The following MARK4 variants were observed in gnomAD, a reference collection of about 807,000 sequenced individuals.
The protein encoded by MARK4 is MAP/microtubule affinity-regulating kinase 4.
Under a neutral mutation model 81.5 loss-of-function variants are expected in MARK4, and 19 were observed. That is an observed-to-expected ratio of 0.23 (90% CI 0.16 to 0.34). The LOEUF is 0.34. Among genes scored for constraint, MARK4 ranks in the 10% least tolerant of loss-of-function variants. The pLI is 1.00. For missense variants in MARK4, 772 were observed against 1,058.8 expected (o/e 0.73, Z 3.76); for synonymous variants, 436 against 439.0 (o/e 0.99, Z 0.08).
chr19:45,281,779 G>A (rs536739686), intron 12 of MARK4, among the ~76,000 whole-genome samples: 27 of 152,286 alleles, frequency 1.8e-4, no homozygotes, highest in African/African-American at 6.3e-4. Flanking sequence ...AGGAGGACAC[G>A]TTGTACAAAG....
Position 45,277,822 on chromosome 19 carries a change from GTTGT to G in MARK4, c.787-100_787-97del, listed in dbSNP as rs768421638. ...TTCTATCAAAGGGGTTGGGACAAAG[GTTGT>G]GTGTGTGTGTGTGTGTGTGTGTGTG... On this transcript the variant is annotated intron_variant, in intron 8 of 16. Coordinates refer to ENST00000262891, the MANE Select transcript of MARK4 (RefSeq NM_001199867.2). The G allele has an allele frequency of 2.6e-5, 30 of 1,140,886 alleles. No homozygotes were observed. The Admixed American group carries it at 4.1e-4, about 16-fold the overall frequency. 70.7% of individuals were successfully genotyped at this position (1,140,886 alleles called of 1,614,324 possible).
chr19:45,256,441 A>C (rs1313751563), intron 1 of MARK4, among the ~76,000 whole-genome samples: 2 of 152,208 alleles, frequency 1.3e-5, no homozygotes, highest in Non-Finnish European at 2.9e-5. Context: ...CTGTGTCAAA[A>C]AGAAAAAAAA....
chr19:45,280,353 C>G lies in MARK4; in HGVS notation c.1007-21C>G, dbSNP rs369307860. 7.8e-5 allele frequency: 125 copies of G among 1,602,816 alleles called. No individual in the cohort carries two copies. In the African/African-American group the frequency reaches 1.3e-3, roughly 16 times the overall value. ...TAAAGTTTCTGGGAGTCTGAAACTT[C>G]TCTCCATCCCCCCCTCCCAGAGGTG... On this transcript the variant is annotated intron_variant, in intron 10 of 16. Transcript: ENST00000262891.
chr19:45,303,039 A>G lies in MARK4; in HGVS notation c.*329A>G, dbSNP rs1009214985. ...CTGAGGAAATCTTCCATTCCTCCCAACAGCTCAAAATTAGGCCTTGGGCAG... is the reference window on the plus strand; with the variant it reads ...CTGAGGAAATCTTCCATTCCTCCCAGCAGCTCAAAATTAGGCCTTGGGCAG... On this transcript the variant is annotated 3_prime_UTR_variant, in exon 17 of 17. Transcript: ENST00000262891. The G allele has an allele frequency of 5.7e-6, 2 of 349,022 alleles. No homozygotes were observed. The highest frequency in any genetic ancestry group is 1.1e-5 in the Non-Finnish European group (2 of 190,320). The allele number at this position is 349,022 out of a possible 1,614,324, so 21.6% of individuals were successfully genotyped here.
intron 12 of MARK4, among the ~76,000 whole-genome samples, chr19:45,283,104 A>ACAAT (rs1970697527): frequency 6.6e-6 from 1 of 152,068 alleles, no homozygotes; most frequent in African/African-American, 2.4e-5. Flanking sequence ...AAGAAAATTC[A>ACAAT]CAACTTTTAG....
chr19:45,265,732 G>T lies in MARK4; in HGVS notation c.493-493G>T, dbSNP rs1872261. ...GCATGAGGGGTAAGAAGATGTGCGT[G>T]TGTGAGGGTGCCAGGTGTGTGGGGT... is the stretch of plus-strand genomic sequence containing the variant. On this transcript the variant is annotated intron_variant, in intron 6 of 16. Transcript: ENST00000262891. Among the ~76,000 whole-genome samples the T allele has an allele frequency of 1.4e-3, 213 of 150,556 alleles. 2 individuals carry two copies. Among genetic ancestry groups the T allele is most frequent in the African/African-American group, 4.8e-3 (197 of 40,884 alleles).
chr19:45,300,343 T>G (rs1278964212), intron 16 of MARK4, among the ~76,000 whole-genome samples: 1 of 4,044 alleles, frequency 2.5e-4, no homozygotes, highest in South Asian at 0.015. Context: ...AAACTCCGTC[T>G]GAAAAAAAAA....
intron 12 of MARK4, among the ~76,000 whole-genome samples, chr19:45,281,367 C>CTTT (rs71173137): frequency 2.3e-5 from 3 of 132,054 alleles, no homozygotes; most frequent in East Asian, 2.2e-4. Context: ...TCTTTTCTTT[C>CTTT]TTTTTTTTTT....
At chr19:45,272,841 TTGTG>T (rs1970547555) in intron 8 of MARK4, among the ~76,000 whole-genome samples, 1 of 152,164 alleles carries the variant, frequency 6.6e-6, no homozygotes, top group South Asian at 2.1e-4. Context: ...TGAGTCAAGA[TTGTG>T]CCACTGCACT....
Position 45,304,673 on chromosome 19 carries a change from T to C in MARK4, c.*1963T>C, listed in dbSNP as rs10415720. 50,886 of 152,070 alleles carry C rather than the reference T, an allele frequency of 0.33. 9,008 individuals are homozygous for C. Among genetic ancestry groups the C allele is most frequent in the African/African-American group, 0.44 (18,357 of 41,416 alleles). The allele number at this position is 152,070 out of a possible 1,614,324, so 9.4% of individuals were successfully genotyped here. On this transcript the variant is annotated 3_prime_UTR_variant, in exon 17 of 17. Transcript: ENST00000262891. ...TGCCCTCATAGAGCTCACAGTCCAA[T>C]GGAGGAGGCAGATGTGTCCTCAGGC...
In MARK4 at chr19:45,297,950, C is replaced by G. The variant is rs770715812; in HGVS notation, c.1873C>G (p.Arg625Gly). Reference protein sequence around the residue: ...LFTKLTSKLTRRVADEPERIG... With the variant: ...LFTKLTSKLTGRVADEPERIG... Reference sequence around the variant, plus strand: ...CACCAAGCTGACCTCCAAACTGACCCGAAGGTGAGCTCCGCGGGGATGGCA... The same window carrying G: ...CACCAAGCTGACCTCCAAACTGACCGGAAGGTGAGCTCCGCGGGGATGGCA... Residue 625 changes from arginine (R) to glycine (G), a missense_variant, in exon 15 of 17, where the codon CGA becomes GGA. Arg to Gly is a moderately radical substitution (Grantham distance 125). Coordinates refer to ENST00000262891, the MANE Select transcript of MARK4 (RefSeq NM_001199867.2). The G allele has an allele frequency of 1.9e-6, 3 of 1,551,002 alleles. No individual in the cohort carries two copies. The highest frequency in any genetic ancestry group is 2.6e-6 in the Non-Finnish European group (3 of 1,146,822).
chr19:45,263,044 G>A, intron 2 of MARK4, 69 bp from the exon 3 acceptor site: 3 of 1,540,880 alleles, frequency 1.9e-6, no homozygotes, highest in African/African-American at 1.4e-5. Context: ...GGGATTACAG[G>A]CCTGAGCCAC....
chr19:45,298,107 C>G, intron 15 of MARK4, 153 bp downstream of exon 15: 6 of 1,606,950 alleles, frequency 3.7e-6, no homozygotes, highest in Non-Finnish European at 5.1e-6. Flanking sequence ...CTTTCCTCCT[C>G]CCCTGTCACC....
rs1970983816 is a variant in MARK4, at chr19:45,302,162, A to G, written c.1923-212A>G. Among the ~76,000 whole-genome samples the G allele has an allele frequency of 6.6e-6, 1 of 152,234 alleles. No individual in the cohort carries two copies. The highest frequency in any genetic ancestry group is 1.5e-5 in the Non-Finnish European group (1 of 68,042). The stretch of plus-strand genomic sequence containing the variant: ...GCTCATGTCCCAGAATTTACAGACA[A>G]GGTCACACCTGGTTGCAAGGGAGGC... On this transcript the variant is annotated intron_variant, in intron 16 of 16. Transcript: ENST00000262891. The surrounding 1 kb of genome is among the most constrained non-coding windows in gnomAD (Gnocchi z 4.9).
intron 2 of MARK4, among the ~76,000 whole-genome samples, chr19:45,260,376 C>G (rs994212182): frequency 7.3e-6 from 1 of 137,148 alleles, no homozygotes; most frequent in African/African-American, 2.7e-5. Flanking sequence ...GCAACAAGAC[C>G]GAGACTTTGT....
At position 45,255,202 on chromosome 19, in the gene MARK4, C is replaced by CA. The variant is rs764108800; in HGVS notation, c.51+3577dup. On this transcript the variant is annotated intron_variant, in intron 1 of 16. Transcript: ENST00000262891. ...TGGGTAACAGAGCAAGGCCCTGTCTCAAAAAAAAAAAAAAGGTTCAGGTGT... is the reference window on the plus strand; with the variant it reads ...TGGGTAACAGAGCAAGGCCCTGTCTCAAAAAAAAAAAAAAAGGTTCAGGTGT... Among the ~76,000 whole-genome samples the CA allele has an allele frequency of 8.8e-3, 1,125 of 127,574 alleles. 7 individuals are homozygous for CA. The highest frequency in any genetic ancestry group is 0.024 in the African/African-American group (845 of 34,554). 83.7% of individuals were successfully genotyped at this position (127,574 alleles called of 152,430 possible).
chr19:45,294,566 T>A (rs1168509135), intron 14 of MARK4, 114 bp downstream of exon 14: 1 of 863,932 alleles, frequency 1.2e-6, no homozygotes, highest in Non-Finnish European at 1.8e-6. Context: ...GACCAGAGAG[T>A]GAGTGTATCT....
At chr19:45,287,770 C>G in intron 13 of MARK4, 106 bp downstream of exon 13, 1 of 1,234,792 alleles carries the variant, frequency 8.1e-7, no homozygotes, top group South Asian at 1.3e-5. Context: ...CTTACCAACT[C>G]CTTCTTCTAC....
chr19:45,276,721 G>A (rs1039932075), intron 8 of MARK4, among the ~76,000 whole-genome samples: 11 of 151,308 alleles, frequency 7.3e-5, no homozygotes, highest in African/African-American at 2.2e-4. Context: ...CGCCTCCTGG[G>A]TTCAAGTGAT....
Sources: gnomAD v4.1 joint callset for allele counts (sites outside exome capture counted in the v4.1 genomes callset) on GRCh38, gnomAD v4.1.1 for gene constraint, Gnocchi (gnomAD v3.1) non-coding constraint, MANE v1.5 for transcripts, NCBI Gene and HGNC (gene_info 2026-07-23, HGNC 2026-07-21) for gene names.